The following GDPD5 variants were observed in gnomAD, a reference collection of about 807,000 sequenced individuals.
GDPD5 encodes the protein glycerophosphodiester phosphodiesterase domain containing 5.
Under a neutral mutation model 75.1 loss-of-function variants are expected in GDPD5, and 48 were observed. That is an observed-to-expected ratio of 0.64 (90% CI 0.51 to 0.81). The LOEUF is 0.81. Ranked by LOEUF, GDPD5 falls within the 40% of genes least tolerant of loss-of-function variation. The probability of loss-of-function intolerance (pLI) is 0.00; values close to 1 mark genes in which losing one functional copy is unlikely to be tolerated. For synonymous variants in GDPD5, 336 were observed against 339.0 expected, an observed-to-expected ratio of 0.99 and a Z score of 0.10; for missense variants, 706 against 822.6, an observed-to-expected ratio of 0.86 and a Z score of 1.73.
Position 75,441,149 on chromosome 11 carries a change from G to GC in GDPD5, c.1473+13dup, listed in dbSNP as rs748251766. 3 of 1,612,602 alleles carry GC rather than the reference G, an allele frequency of 1.9e-6. No individual in the cohort carries two copies. The highest frequency in any genetic ancestry group is 8.5e-7 in the Non-Finnish European group (1 of 1,179,196). On this transcript the variant is annotated intron_variant, in intron 14 of 16. Coordinates refer to ENST00000336898, the MANE Select transcript of GDPD5 (RefSeq NM_030792.8). ...CAGCACTGCCCCCCAGGGGCCCTCT[G>GC]CCCCCCAACTCACCATGATCCAGAG...
chr11:75,512,959 T>C (rs1358671719), intron 1 of GDPD5, among the ~76,000 whole-genome samples: 1 of 152,160 alleles, frequency 6.6e-6, no homozygotes, highest in African/African-American at 2.4e-5. Flanking sequence ...AAAATGTTTC[T>C]TACAGTTTAT....
intron 3 of GDPD5, among the ~76,000 whole-genome samples, chr11:75,471,885 C>G (rs1949674682): frequency 6.6e-6 from 1 of 152,180 alleles, no homozygotes; most frequent in Non-Finnish European, 1.5e-5. Flanking sequence ...CCTCCTCTCT[C>G]TCTCTTGTGG....
In GDPD5 at chr11:75,435,512, G is replaced by A. The variant is rs768603832; in HGVS notation, c.1813C>T (p.Arg605Cys). ...HTKTLIERSG[R>C] Reference sequence around the variant, plus strand: ...TGGGACAGACATGTCTTCAGCTAACGCCCACTCCGCTCTATGAGGGTCTTG... The same window carrying A: ...TGGGACAGACATGTCTTCAGCTAACACCCACTCCGCTCTATGAGGGTCTTG... The change falls in exon 17 of 17, where the codon CGT (arginine) becomes TGT (cysteine). Residue 605 changes from arginine to cysteine, a missense_variant. Physicochemically the swap from Arg to Cys is radical, Grantham distance 180. Coordinates refer to ENST00000336898, the MANE Select transcript of GDPD5 (RefSeq NM_030792.8). 4.7e-5 allele frequency: 76 copies of A among 1,603,364 alleles called. 1 individual carries two copies. The South Asian group carries it at 6.1e-4, about 13-fold the overall frequency.
At chr11:75,438,172 A>G (rs1351284802) in intron 15 of GDPD5, 2 of 152,320 alleles carry the variant, frequency 1.3e-5, no homozygotes, top group South Asian at 2.1e-4. Context: ...CCTATGAATC[A>G]TTGAGGGCAG....
chr11:75,466,759 C>T (rs572264505), intron 3 of GDPD5, among the ~76,000 whole-genome samples: 3 of 152,234 alleles, frequency 2.0e-5, no homozygotes, highest in African/African-American at 7.2e-5. Flanking sequence ...TGGCACATGG[C>T]GGGCGGGTGT....
At chr11:75,499,595 C>A (rs1411227937) in intron 1 of GDPD5, among the ~76,000 whole-genome samples, 1 of 152,044 alleles carries the variant, frequency 6.6e-6, no homozygotes, top group African/African-American at 2.4e-5. Context: ...TGTAAAAATA[C>A]TGACCGCCAC....
chr11:75,468,259 A>T (rs1167633970), intron 3 of GDPD5, among the ~76,000 whole-genome samples: 1 of 152,158 alleles, frequency 6.6e-6, no homozygotes, highest in Admixed American at 6.5e-5. Flanking sequence ...CATCACTCTG[A>T]ATGTTACAGA....
At chr11:75,448,028 T>A (rs572938327) in intron 9 of GDPD5, among the ~76,000 whole-genome samples, 1 of 151,828 alleles carries the variant, frequency 6.6e-6, no homozygotes, top group South Asian at 2.1e-4. Context: ...ACTTCCAGAG[T>A]GAGTGGCAGC....
chr11:75,436,997 A>T lies in GDPD5; in HGVS notation c.1608T>A (p.Ser536Arg). The stretch of plus-strand genomic sequence containing the variant: ...CCCGGCTGGTCCGGCGCACCGCAGC[A>T]CTCAGCATGATCTGCTCAGGGTTGT... Reference protein sequence around the residue: ...RSYNPEQIMLSAAVRRTSRDV... With the variant: ...RSYNPEQIMLRAAVRRTSRDV... The change falls in exon 16 of 17, where the codon AGT (serine) becomes AGA (arginine). Residue 536 changes from serine (S) to arginine (R), a missense_variant. Transcript: ENST00000336898. 1 of 1,613,444 alleles carries T rather than the reference A, an allele frequency of 6.2e-7. No homozygotes were observed. The highest frequency in any genetic ancestry group is 8.5e-7 in the Non-Finnish European group (1 of 1,179,972).
intron 1 of GDPD5, among the ~76,000 whole-genome samples, chr11:75,520,805 G>C (rs1468513830): frequency 6.6e-6 from 1 of 152,210 alleles, no homozygotes; most frequent in Non-Finnish European, 1.5e-5. Flanking sequence ...TGGCTGCCCT[G>C]CCAGTGACCC....
At chr11:75,523,888 G>T (rs982425220) in intron 1 of GDPD5, among the ~76,000 whole-genome samples, 7 of 152,186 alleles carry the variant, frequency 4.6e-5, no homozygotes, top group African/African-American at 1.7e-4. Context: ...CCTTCCAGGG[G>T]CTTTCCAAGG....
At chr11:75,475,835 C>T (rs1259838947) in intron 3 of GDPD5, among the ~76,000 whole-genome samples, 1 of 152,216 alleles carries the variant, frequency 6.6e-6, no homozygotes, top group Non-Finnish European at 1.5e-5. Flanking sequence ...ACCCCTGCCT[C>T]AGATTGGTGA....
intron 6 of GDPD5, chr11:75,450,647 A>G (rs574337926): frequency 4.6e-4 from 70 of 152,736 alleles, no homozygotes; most frequent in Non-Finnish European, 8.8e-4. Context: ...CACAGCTCTC[A>G]TGGAGGATGA....
intron 14 of GDPD5, 36 bp downstream of exon 14, chr11:75,441,127 C>T (rs1480833480): frequency 6.2e-7 from 1 of 1,601,910 alleles, no homozygotes; most frequent in Non-Finnish European, 8.5e-7. Context: ...GCAGCTCCAG[C>T]ACTGCCCCCC....
intron 1 of GDPD5, among the ~76,000 whole-genome samples, chr11:75,512,019 A>G (rs192679868): frequency 6.3e-4 from 96 of 152,290 alleles, no homozygotes; most frequent in Middle Eastern, 3.4e-3. Context: ...TGTGTGCATC[A>G]TTATTTTACT....
chr11:75,440,047 C>A (rs1308322649), intron 14 of GDPD5, 86 bp from the exon 15 acceptor site: 13 of 973,644 alleles, frequency 1.3e-5, no homozygotes, highest in African/African-American at 9.8e-5. Context: ...ACCAAAGGAC[C>A]CCACATGGCC....
chr11:75,495,063 C>T (rs767826464), intron 1 of GDPD5, among the ~76,000 whole-genome samples: 83 of 151,936 alleles, frequency 5.5e-4, no homozygotes, highest in Non-Finnish European at 9.4e-4. Flanking sequence ...GTCAGGAGCT[C>T]GAGACCATTC....
intron 3 of GDPD5, among the ~76,000 whole-genome samples, chr11:75,469,375 A>T (rs1166778260): frequency 1.3e-5 from 2 of 152,244 alleles, no homozygotes; most frequent in African/African-American, 2.4e-5. Context: ...TCATCCCCAC[A>T]GTTCTGCAAA....
chr11:75,438,184 G>T (rs1315251633), intron 15 of GDPD5: 1 of 152,300 alleles, frequency 6.6e-6, no homozygotes, highest in Non-Finnish European at 1.5e-5. Context: ...TGAGGGCAGT[G>T]AGCAAATCTC....
Sources: gnomAD v4.1 joint callset for allele counts (sites outside exome capture counted in the v4.1 genomes callset) on GRCh38, gnomAD v4.1.1 for gene constraint, MANE v1.5 for transcripts, NCBI Gene and HGNC (gene_info 2026-07-23, HGNC 2026-07-21) for gene names.